The following MRTFB variants were observed in gnomAD, a reference collection of about 807,000 sequenced individuals.
MRTFB encodes the protein myocardin related transcription factor B.
A neutral mutation model predicts 104.2 loss-of-function variants in MRTFB; 29 were observed. The observed-to-expected ratio is 0.28, with a 90% CI of 0.21 to 0.38. The LOEUF (loss-of-function observed/expected upper bound fraction) is 0.38, where lower values mean the gene tolerates loss of function less well. Ranked by LOEUF, MRTFB falls within the 10% of genes least tolerant of loss-of-function variation. The pLI is 1.00. For synonymous variants in MRTFB, 535 were observed against 519.5 expected (o/e 1.03, Z -0.41); for missense variants, 1,270 against 1,341.6 (o/e 0.95, Z 0.83).
At chr16:14,095,345 C>T (rs2035302728) in intron 2 of MRTFB, among the ~76,000 whole-genome samples, 1 of 152,166 alleles carries the variant, frequency 6.6e-6, no homozygotes, top group South Asian at 2.1e-4. Flanking sequence ...TCAAGATGCC[C>T]TCTGTGCTAT....
At chr16:14,002,380 C>T in the MRTFB span, among the ~76,000 whole-genome samples, 1 of 150,874 alleles carries the variant, frequency 6.6e-6, no homozygotes, top group African/African-American at 2.4e-5. Flanking sequence ...AAGACTCCGT[C>T]CGGGAAAAAA....
intron 2 of MRTFB, among the ~76,000 whole-genome samples, chr16:14,082,514 T>A (rs2141880685): frequency 1.3e-5 from 2 of 152,292 alleles, no homozygotes; most frequent in East Asian, 3.9e-4. Flanking sequence ...TGTGTCTGGG[T>A]GCCGTGGCTC....
chr16:14,183,283 C>G (rs1214575726), intron 3 of MRTFB, among the ~76,000 whole-genome samples: 1 of 152,050 alleles, frequency 6.6e-6, no homozygotes, highest in Non-Finnish European at 1.5e-5. Context: ...GAGGATAATA[C>G]TATAAAATAA....
intron 3 of MRTFB, among the ~76,000 whole-genome samples, chr16:14,199,216 GTTC>G (rs2151099734): frequency 6.6e-6 from 1 of 152,256 alleles, no homozygotes; most frequent in Non-Finnish European, 1.5e-5. Flanking sequence ...CACCCTCCTG[GTTC>G]CCTCCGCCTT....
At chr16:14,111,967 C>A (rs907214322) in intron 2 of MRTFB, among the ~76,000 whole-genome samples, 1 of 152,156 alleles carries the variant, frequency 6.6e-6, no homozygotes, top group Non-Finnish European at 1.5e-5. Context: ...CCAGGGCGCT[C>A]CTTCTTACTG....
intron 3 of MRTFB, chr16:14,200,894 A>G (rs930508596): frequency 6.9e-6 from 10 of 1,451,642 alleles, no homozygotes; most frequent in Admixed American, 5.0e-5. Context: ...GGCAGCAGAA[A>G]GAATTTAACC....
intron 3 of MRTFB, among the ~76,000 whole-genome samples, chr16:14,186,359 G>T (rs2039952447): frequency 6.6e-6 from 1 of 152,218 alleles, no homozygotes; most frequent in Non-Finnish European, 1.5e-5. Context: ...TGCCGTTTGT[G>T]TAGCTGGAGA....
chr16:14,130,655 G>A (rs2037391791), intron 2 of MRTFB, among the ~76,000 whole-genome samples: 1 of 152,160 alleles, frequency 6.6e-6, no homozygotes, highest in Non-Finnish European at 1.5e-5. Context: ...ACTTGTAGGT[G>A]TACATTTAAT....
At chr16:14,209,000 A>G (rs529341799) in intron 3 of MRTFB, among the ~76,000 whole-genome samples, 1 of 152,338 alleles carries the variant, frequency 6.6e-6, no homozygotes, top group Non-Finnish European at 1.5e-5. Context: ...TTCTGTATCT[A>G]ATAGATGATG....
At chr16:14,039,912 C>G in the MRTFB span, among the ~76,000 whole-genome samples, 16 of 152,014 alleles carry the variant, frequency 1.1e-4, no homozygotes, top group African/African-American at 3.9e-4. Context: ...CCACGCCTGT[C>G]TAATTTTGTA....
the MRTFB span, among the ~76,000 whole-genome samples, chr16:14,009,081 T>A: frequency 6.6e-6 from 1 of 152,012 alleles, no homozygotes; most frequent in African/African-American, 2.4e-5. Flanking sequence ...CCTGAGTAAC[T>A]AGGACTGCAG....
chr16:14,196,454 A>G (rs990538872), intron 3 of MRTFB, among the ~76,000 whole-genome samples: 6 of 152,358 alleles, frequency 3.9e-5, no homozygotes, highest in African/African-American at 1.4e-4. Flanking sequence ...TCCGAGGTCT[A>G]TACCACCTGC....
At chr16:14,008,444 C>T in the MRTFB span, among the ~76,000 whole-genome samples, 1 of 152,190 alleles carries the variant, frequency 6.6e-6, no homozygotes, top group South Asian at 2.1e-4. Flanking sequence ...TGTCCTACCA[C>T]CATATTTAAA....
intron 3 of MRTFB, among the ~76,000 whole-genome samples, chr16:14,181,204 A>T (rs575554864): frequency 2.1e-3 from 325 of 151,888 alleles, no homozygotes; most frequent in South Asian, 5.0e-3. Context: ...ATAAAAAAAA[A>T]TTTTTTTTTA....
chr16:14,047,855 C>T, the MRTFB span, among the ~76,000 whole-genome samples: 1 of 152,164 alleles, frequency 6.6e-6, no homozygotes, highest in Non-Finnish European at 1.5e-5. Context: ...CTGCTCCCAG[C>T]CCCTCCCAAA....
At chr16:14,229,272 T>G (rs1393309706) in intron 8 of MRTFB, among the ~76,000 whole-genome samples, 1 of 152,210 alleles carries the variant, frequency 6.6e-6, no homozygotes, top group Admixed American at 6.5e-5. Flanking sequence ...GGTGATACAT[T>G]TTAACAAAGC....
chr16:14,009,837 C>A, the MRTFB span: 1 of 152,120 alleles, frequency 6.6e-6, no homozygotes, highest in East Asian at 1.9e-4. Context: ...AAGGTTAAAT[C>A]ACATATCACC....
intron 8 of MRTFB, among the ~76,000 whole-genome samples, chr16:14,228,854 A>G (rs950100904): frequency 1.3e-5 from 2 of 152,184 alleles, no homozygotes; most frequent in East Asian, 3.8e-4. Context: ...CTTATATAAG[A>G]TTCTTAGAGT....
intron 4 of MRTFB, among the ~76,000 whole-genome samples, chr16:14,210,935 T>C (rs1052984429): frequency 2.6e-5 from 4 of 152,226 alleles, no homozygotes; most frequent in African/African-American, 9.6e-5. Flanking sequence ...GAGGTGGTTT[T>C]ATATTTTAGT....
Sources: gnomAD v4.1 joint callset for allele counts (sites outside exome capture counted in the v4.1 genomes callset) on GRCh38, gnomAD v4.1.1 for gene constraint, MANE v1.5 for transcripts, NCBI Gene and HGNC (gene_info 2026-07-23, HGNC 2026-07-21) for gene names.